Variants in CNTN5 observed in about 807,000 individuals in gnomAD.
CNTN5 encodes contactin-5.
In CNTN5, 77 loss-of-function variants were observed where a neutral mutation model predicts 129.1. The observed-to-expected ratio is 0.60, with a 90% CI of 0.50 to 0.72. The LOEUF (loss-of-function observed/expected upper bound fraction) is 0.72. CNTN5 is among the 30% of genes least tolerant of loss of function. The pLI is 0.00. For synonymous variants in CNTN5, 509 were observed against 465.6 expected, an observed-to-expected ratio of 1.09 and a Z score of -1.20; for missense variants, 1,478 against 1,328.8, an observed-to-expected ratio of 1.11 and a Z score of -1.75.
chr11:99,114,480 T>G (rs2135390479), intron 1 of CNTN5, among the ~76,000 whole-genome samples: 1 of 148,294 alleles, frequency 6.7e-6, no homozygotes, highest in Non-Finnish European at 1.5e-5. Flanking sequence ...CTTCTCCTTT[T>G]CTTCTTCTTC....
At chr11:100,126,053 T>C (rs1946172169) in intron 13 of CNTN5, among the ~76,000 whole-genome samples, 1 of 152,152 alleles carries the variant, frequency 6.6e-6, no homozygotes, top group Non-Finnish European at 1.5e-5. Flanking sequence ...TTAATTTTGT[T>C]GTTTACCCAA....
At chr11:99,551,656 G>A (rs933580780) in intron 2 of CNTN5, among the ~76,000 whole-genome samples, 5 of 152,076 alleles carry the variant, frequency 3.3e-5, no homozygotes, top group African/African-American at 1.2e-4. Flanking sequence ...AACCTATATG[G>A]TGCAGCTTGC....
chr11:99,923,886 C>G (rs1163182024), intron 7 of CNTN5, among the ~76,000 whole-genome samples: 2 of 152,114 alleles, frequency 1.3e-5, no homozygotes, highest in Non-Finnish European at 2.9e-5. Flanking sequence ...CTCCTGGCTT[C>G]AAGCGATTCC....
chr11:99,889,928 T>A (rs2135901221), intron 6 of CNTN5, among the ~76,000 whole-genome samples: 1 of 152,326 alleles, frequency 6.6e-6, no homozygotes, highest in East Asian at 1.9e-4. Context: ...TTTTAAAAAT[T>A]ATATTCTACA....
At chr11:99,110,092 C>T (rs1203545838) in intron 1 of CNTN5, among the ~76,000 whole-genome samples, 2 of 152,050 alleles carry the variant, frequency 1.3e-5, no homozygotes. Context: ...AAGAAGGGAA[C>T]CTCGCTCGGA....
intron 16 of CNTN5, among the ~76,000 whole-genome samples, chr11:100,255,490 A>T (rs1950047252): frequency 6.6e-6 from 1 of 151,782 alleles, no homozygotes; most frequent in East Asian, 1.9e-4. Flanking sequence ...GTTTCTCATT[A>T]TTTTTTCTTT....
chr11:99,208,862 A>G (rs1313326185), intron 1 of CNTN5, among the ~76,000 whole-genome samples: 1 of 152,144 alleles, frequency 6.6e-6, no homozygotes, highest in Non-Finnish European at 1.5e-5. Context: ...GAAATTTGGC[A>G]TAAAATGCCT....
rs184960484 is a variant in CNTN5 at position 99,249,123 on chromosome 11, G to A, written c.-209-76223G>A. ...GCATGGAATGTTCTTCCATTTGTTC[G>A]CATCCTCTTTTATTTCGTTGAGCAG... On this transcript the variant is annotated intron_variant, in intron 1 of 24. Coordinates refer to ENST00000524871, the MANE Select transcript of CNTN5 (RefSeq NM_014361.4). 3.3e-3 allele frequency among the ~76,000 whole-genome samples: 509 copies of A among 152,104 alleles called. 6 individuals carry two copies. The highest frequency in any genetic ancestry group is 0.012 in the South Asian group (57 of 4,822).
At chr11:100,305,957 A>AG (rs1951338341) in intron 20 of CNTN5, among the ~76,000 whole-genome samples, 1 of 151,408 alleles carries the variant, frequency 6.6e-6, no homozygotes, top group African/African-American at 2.4e-5. Flanking sequence ...TAAAAAAAAA[A>AG]AAAAAAATTA....
chr11:100,278,241 A>T (rs1046980283), intron 18 of CNTN5, among the ~76,000 whole-genome samples: 1 of 152,022 alleles, frequency 6.6e-6, no homozygotes, highest in Non-Finnish European at 1.5e-5. Flanking sequence ...AAGTCTGGTA[A>T]TGTGATTCCA....
intron 2 of CNTN5, among the ~76,000 whole-genome samples, chr11:99,555,493 T>C (rs186278769): frequency 2.6e-5 from 4 of 152,144 alleles, no homozygotes. Context: ...ATACTGGTTA[T>C]TGTTATAAAA....
At chr11:99,588,833 T>C (rs184975128) in intron 3 of CNTN5, among the ~76,000 whole-genome samples, 105 of 152,254 alleles carry the variant, frequency 6.9e-4, no homozygotes, top group African/African-American at 2.3e-3. Context: ...CCTGCCTGCG[T>C]TGGGAGCTAA....
In CNTN5 at chr11:100,255,894, C is replaced by A; in HGVS notation, c.2140C>A (p.Leu714Met). The change falls in exon 17 of 25, where the codon CTG becomes ATG. Residue 714 changes from leucine to methionine, a missense_variant. Leu to Met is a conservative substitution (Grantham distance 15). Transcript: ENST00000524871. ...YNLQARSPFS[L>M]GWQTVKTVPE... ...CCTTCAAGCTCGCAGCCCATTTTCCCTGGGCTGGCAAACAGTAAAGACAGG... is the reference window on the plus strand; with the variant it reads ...CCTTCAAGCTCGCAGCCCATTTTCCATGGGCTGGCAAACAGTAAAGACAGG... 1 of 1,613,910 alleles carries A rather than the reference C, an allele frequency of 6.2e-7. No homozygotes were observed. The highest frequency in any genetic ancestry group is 8.5e-7 in the Non-Finnish European group (1 of 1,179,858).
At chr11:99,108,847 T>G (rs1351150658) in intron 1 of CNTN5, among the ~76,000 whole-genome samples, 3 of 152,050 alleles carry the variant, frequency 2.0e-5, no homozygotes, top group Admixed American at 2.0e-4. Context: ...GTATTACTCT[T>G]TAGGCTTTCT....
intron 9 of CNTN5, among the ~76,000 whole-genome samples, chr11:100,004,837 T>C (rs191743047): frequency 6.6e-6 from 1 of 152,182 alleles, no homozygotes; most frequent in Non-Finnish European, 1.5e-5. Context: ...ACACAGCCTT[T>C]ATATAAGAAC....
intron 2 of CNTN5, among the ~76,000 whole-genome samples, chr11:99,490,473 C>T (rs1945992678): frequency 6.6e-6 from 1 of 152,182 alleles, no homozygotes; most frequent in African/African-American, 2.4e-5. Context: ...TTAGTGTACT[C>T]TTCTTACTTT....
chr11:100,105,017 A>G (rs1284619679), intron 13 of CNTN5, among the ~76,000 whole-genome samples: 1 of 152,220 alleles, frequency 6.6e-6, no homozygotes, highest in Non-Finnish European at 1.5e-5. Context: ...ACTCTATGAT[A>G]AAGGCAGGAC....
intron 1 of CNTN5, among the ~76,000 whole-genome samples, chr11:99,292,225 A>AAT (rs373871554): frequency 6.2e-4 from 92 of 148,464 alleles, no homozygotes; most frequent in East Asian, 1.6e-3. Context: ...ATAAATAGAA[A>AAT]ATATATATAT....
At chr11:99,750,861 A>T (rs141976818) in intron 3 of CNTN5, among the ~76,000 whole-genome samples, 50 of 152,318 alleles carry the variant, frequency 3.3e-4, no homozygotes, top group African/African-American at 1.2e-3. Flanking sequence ...TGAGCAATCT[A>T]TAGCCTGGAG....
Sources: allele counts gnomAD v4.1 joint callset (sites outside exome capture counted in the v4.1 genomes callset), GRCh38; gene constraint gnomAD v4.1.1; transcripts MANE v1.5; gene names NCBI Gene and HGNC (gene_info 2026-07-23, HGNC 2026-07-21).